Variants in SLC37A2 observed in about 807,000 individuals in gnomAD.
SLC37A2 encodes the protein solute carrier family 37 member 2.
A neutral mutation model predicts 70.7 loss-of-function variants in SLC37A2; 59 were observed. That is an observed-to-expected ratio of 0.83 (90% confidence interval 0.68 to 1.04). The LOEUF (loss-of-function observed/expected upper bound fraction) is 1.04. SLC37A2 is among the 50% of genes least tolerant of loss of function. The pLI is 0.00. For missense variants in SLC37A2, 580 were observed against 658.1 expected, an observed-to-expected ratio of 0.88 and a Z score of 1.30; for synonymous variants, 257 against 262.1, an observed-to-expected ratio of 0.98 and a Z score of 0.19.
At chr11:125,067,812 C>T (rs868070765) in intron 1 of SLC37A2, among the ~76,000 whole-genome samples, 16 of 152,194 alleles carry the variant, frequency 1.1e-4, no homozygotes, top group Admixed American at 3.9e-4. Context: ...ATTTGACCTT[C>T]CCTGTTCCCT....
In SLC37A2 at chr11:125,080,615, C is replaced by T. The variant is rs779376731; in HGVS notation, c.529C>T (p.Arg177Trp). ...TTCCCTTCTCTCCCTCCCTTCCAGG[C>T]GGGGGTTCATCATGGGCATCTGGAA... Reference protein sequence around the residue: ...CVGNWFGKGKRGFIMGIWNSH... With the variant: ...CVGNWFGKGKWGFIMGIWNSH... The change falls in exon 7 of 18, where the codon CGG (arginine) becomes TGG (tryptophan). Residue 177 changes from arginine (R) to tryptophan (W), a missense_variant and splice_region_variant. Arg to Trp is a moderately radical substitution (Grantham distance 101). Coordinates refer to ENST00000403796, the MANE Select transcript of SLC37A2 (RefSeq NM_001145290.2). This position sits in a 1 kb window ranked among gnomAD's most constrained non-coding sequence, Gnocchi z 4.3. 2.2e-5 allele frequency: 33 copies of T among 1,492,760 alleles called. No homozygotes were observed. The highest frequency in any genetic ancestry group is 5.4e-5 in the South Asian group (4 of 74,602). The allele number at this position is 1,492,760 out of a possible 1,614,324, so 92.5% of individuals were successfully genotyped here.
At chr11:125,076,926 T>G (rs75298200) in intron 2 of SLC37A2, 88 bp downstream of exon 2, 96,361 of 1,280,286 alleles carry the variant, frequency 0.075, 4,595 homozygotes, top group Admixed American at 0.16. Flanking sequence ...GGTTGCACCT[T>G]CACCTGGCAG....
At chr11:125,066,049 T>C (rs893788293) in intron 1 of SLC37A2, among the ~76,000 whole-genome samples, 1 of 152,236 alleles carries the variant, frequency 6.6e-6, no homozygotes, top group Non-Finnish European at 1.5e-5. Flanking sequence ...TCCTGTGTGA[T>C]TAATTCTGTC....
In SLC37A2 at chr11:125,082,279, C is replaced by T. The variant is rs981416384; in HGVS notation, c.921C>T (p.Ala307=). 6.2e-7 allele frequency: 1 copy of T among 1,613,906 alleles called. No individual in the cohort carries two copies. Among genetic ancestry groups the T allele is most frequent in the Non-Finnish European group, 8.5e-7 (1 of 1,179,970 alleles). Residue 307 remains alanine (A), a synonymous_variant, in exon 10 of 18, where the codon GCC becomes GCT. Transcript: ENST00000403796. ...AGTTCTCTCTGTGTCTGCTGTTTGC[C>T]AAGCTGGTCAGTTACACCTTCCTCT... ...VVEFSLCLLF[A]KLVSYTFLYW... is the part of the protein sequence containing the mutation.
At position 125,085,383 on chromosome 11, in the gene SLC37A2, G is replaced by A. The variant is rs746278552; in HGVS notation, c.1249-12G>A. The A allele has an allele frequency of 1.2e-6, 2 of 1,612,796 alleles. No individual in the cohort carries two copies. Among genetic ancestry groups the A allele is most frequent in the Admixed American group, 1.7e-5 (1 of 59,968 alleles). The stretch of plus-strand genomic sequence containing the variant: ...CTCAGCTGGGCTTCCCCACTCCACT[G>A]TCTCTCTCCAGGGGACTCACAAGAG... On this transcript the variant is annotated splice_polypyrimidine_tract_variant and intron_variant, in intron 14 of 17. Transcript: ENST00000403796.
intron 4 of SLC37A2, among the ~76,000 whole-genome samples, chr11:125,077,746 G>A (rs906269227): frequency 1.3e-5 from 2 of 152,212 alleles, no homozygotes; most frequent in African/African-American, 2.4e-5. Flanking sequence ...TGTTCTCCTG[G>A]ATGCTGCTTT....
intron 17 of SLC37A2, chr11:125,087,205 G>C (rs769218394): frequency 6.6e-6 from 1 of 152,326 alleles, no homozygotes; most frequent in Non-Finnish European, 1.5e-5. Context: ...GTGTGAGCTT[G>C]CCTCGCAGCA....
At chr11:125,076,047 G>T (rs1388931022) in intron 1 of SLC37A2, among the ~76,000 whole-genome samples, 1 of 152,158 alleles carries the variant, frequency 6.6e-6, no homozygotes, top group Non-Finnish European at 1.5e-5. Context: ...AGCGGCCGGG[G>T]CACAGTGGAA....
intron 1 of SLC37A2, among the ~76,000 whole-genome samples, chr11:125,073,078 G>A (rs1321666711): frequency 6.6e-6 from 1 of 152,170 alleles, no homozygotes; most frequent in African/African-American, 2.4e-5. Flanking sequence ...TGGATTTCAG[G>A]GAGTTGGGGT....
At chr11:125,077,366 T>TTCCTCGAGAAGGGGCTG (rs1245654666) in intron 3 of SLC37A2, 43 bp downstream of exon 3, 1 of 1,588,326 alleles carries the variant, frequency 6.3e-7, no homozygotes, top group East Asian at 2.2e-5. Context: ...CCATTCCCTC[T>TTCCTCGAGAAGGGGCTG]TCCTCGAGAA....
In SLC37A2 at chr11:125,083,713, G is replaced by C; in HGVS notation, c.977-102G>C. The C allele has an allele frequency of 9.6e-7, 1 of 1,044,012 alleles. No homozygotes were observed. The highest frequency in any genetic ancestry group is 2.4e-5 in the East Asian group (1 of 41,784). The allele number at this position is 1,044,012 out of a possible 1,614,324, so 64.7% of individuals were successfully genotyped here. On this transcript the variant is annotated intron_variant, in intron 10 of 17. Coordinates refer to ENST00000403796, the MANE Select transcript of SLC37A2 (RefSeq NM_001145290.2). The surrounding 1 kb of genome is among the most constrained non-coding windows in gnomAD (Gnocchi z 4.6). The stretch of plus-strand genomic sequence containing the variant: ...GGTCCCCAGCTCTTCCTCGGAAAAG[G>C]GGGCAGTGGTCTGGATCACGCTCTG...
intron 1 of SLC37A2, among the ~76,000 whole-genome samples, chr11:125,074,209 G>A (rs1408370368): frequency 6.6e-6 from 1 of 151,962 alleles, no homozygotes; most frequent in African/African-American, 2.4e-5. Flanking sequence ...CGTCCTGCTT[G>A]TTTTTGAAGC....
intron 16 of SLC37A2, 135 bp downstream of exon 16, chr11:125,085,809 C>A: frequency 2.4e-6 from 3 of 1,238,688 alleles, no homozygotes; most frequent in South Asian, 2.6e-5. Flanking sequence ...CAGAAGCACT[C>A]TCCCTCCCCC....
intron 10 of SLC37A2, among the ~76,000 whole-genome samples, chr11:125,082,612 A>G (rs541981431): frequency 5.3e-5 from 8 of 152,182 alleles, no homozygotes; most frequent in Admixed American, 2.0e-4. Context: ...AATTCTTGCT[A>G]TCTTCTTCTC....
In SLC37A2 at chr11:125,088,350, G is replaced by A. The variant is rs981179141; in HGVS notation, c.*216G>A. On this transcript the variant is annotated 3_prime_UTR_variant, in exon 18 of 18. Coordinates refer to ENST00000403796, the MANE Select transcript of SLC37A2 (RefSeq NM_001145290.2). ...GAGGAAATAGAAGATTCAGGGGCCT[G>A]AGCTCTGGAAGCTGCAAGCAAAAGG... 2 of 592,086 alleles carry A rather than the reference G, an allele frequency of 3.4e-6. No individual in the cohort carries two copies. Among genetic ancestry groups the A allele is most frequent in the East Asian group, 5.6e-5 (2 of 35,562 alleles). The allele number at this position is 592,086 out of a possible 1,614,324, so 36.7% of individuals were successfully genotyped here.
chr11:125,073,787 G>A (rs1369767285), intron 1 of SLC37A2, among the ~76,000 whole-genome samples: 1 of 152,204 alleles, frequency 6.6e-6, no homozygotes, highest in African/African-American at 2.4e-5. Flanking sequence ...GGGAGTGGCT[G>A]GCAGGATGAA....
intron 1 of SLC37A2, among the ~76,000 whole-genome samples, chr11:125,065,818 A>G (rs776404366): frequency 7.9e-5 from 12 of 152,228 alleles, no homozygotes; most frequent in South Asian, 2.1e-4. Flanking sequence ...AGAAGATTCC[A>G]TAAGAGTTTC....
Position 125,082,309 on chromosome 11 carries a change from G to A in SLC37A2, c.951G>A (p.Trp317Ter), listed in dbSNP as rs781351897. ...AKLVSYTFLY[W>*]LPLYIANVAH... ...TGGTCAGTTACACCTTCCTCTACTG[G>A]CTGCCCCTCTACATCGCCAATGTGG... is the stretch of plus-strand genomic sequence containing the variant. The change falls in exon 10 of 18, where the codon TGG (tryptophan) becomes TGA (stop). Residue 317 changes from tryptophan (W) to a stop codon, truncating the protein, a stop_gained. Coordinates refer to ENST00000403796, the MANE Select transcript of SLC37A2 (RefSeq NM_001145290.2). LOFTEE classifies it high-confidence loss of function. 3 of 1,613,934 alleles carry A rather than the reference G, an allele frequency of 1.9e-6. No homozygotes were observed. The South Asian group carries it at 3.3e-5, about 18-fold the overall frequency.
Position 125,088,235 on chromosome 11 carries a change from C to A in SLC37A2, c.*101C>A. On this transcript the variant is annotated 3_prime_UTR_variant, in exon 18 of 18. Coordinates refer to ENST00000403796, the MANE Select transcript of SLC37A2 (RefSeq NM_001145290.2). ...ACTTCCACAAGCAGGGAAGGCAAAC[C>A]CTCTTTATTGAACATTAGCCAGCCC... 1 of 1,378,312 alleles carries A rather than the reference C, an allele frequency of 7.3e-7. No individual in the cohort carries two copies. Among genetic ancestry groups the A allele is most frequent in the Non-Finnish European group, 1.0e-6 (1 of 991,528 alleles). 85.4% of individuals were successfully genotyped at this position (1,378,312 alleles called of 1,614,324 possible). A position where few individuals can be genotyped will look rare whatever the true frequency, so the allele number is the denominator to read the frequency against.
Sources: allele counts gnomAD v4.1 joint callset (sites outside exome capture counted in the v4.1 genomes callset), GRCh38; gene constraint gnomAD v4.1.1; non-coding constraint Gnocchi (gnomAD v3.1); transcripts MANE v1.5; gene names NCBI Gene and HGNC (gene_info 2026-07-23, HGNC 2026-07-21).